Variants in CACNA1S observed in about 807,000 individuals in gnomAD.
CACNA1S encodes the protein voltage-dependent L-type calcium channel subunit alpha-1S.
CACNA1S carries 126 observed loss-of-function variants against 207.4 expected under a neutral mutation model. That is an observed-to-expected ratio of 0.61 (90% CI 0.53 to 0.70). The LOEUF is 0.70. CACNA1S is among the 30% of genes least tolerant of loss of function. CACNA1S has a pLI of 0.00. For synonymous variants in CACNA1S, 960 were observed against 932.7 expected (o/e 1.03, Z -0.53); for missense variants, 2,349 against 2,422.8 (o/e 0.97, Z 0.64).
At chr1:201,076,159 C>T (rs1661613175) in intron 12 of CACNA1S, among the ~76,000 whole-genome samples, 1 of 152,214 alleles carries the variant, frequency 6.6e-6, no homozygotes, top group Non-Finnish European at 1.5e-5. Context: ...CACCATTTCC[C>T]TGTTCTCTTC....
At chr1:201,047,369 C>G (rs1379796611) in intron 37 of CACNA1S, 130 bp from the exon 38 acceptor site, 1 of 1,365,462 alleles carries the variant, frequency 7.3e-7, no homozygotes, top group Non-Finnish European at 1.0e-6. Flanking sequence ...GGTCACTGGG[C>G]ACTTTCCATC....
In CACNA1S at chr1:201,082,373, C is replaced by T. The variant is rs548419400; in HGVS notation, c.1393+789G>A. Among the ~76,000 whole-genome samples the T allele has an allele frequency of 2.0e-5, 3 of 152,264 alleles. No homozygotes were observed. The South Asian group carries it at 6.2e-4, about 32-fold the overall frequency. ...ACACAAGAATGGCCTAACACAAGGC[C>T]CCCATGAGCAAACACATGTGTTGCC... On this transcript the variant is annotated intron_variant, in intron 10 of 43. Transcript: ENST00000362061.
chr1:201,060,897 G>T, intron 25 of CACNA1S, 81 bp from the exon 26 acceptor site: 2 of 1,556,364 alleles, frequency 1.3e-6, no homozygotes, highest in Non-Finnish European at 1.8e-6. Flanking sequence ...GGATTGACGG[G>T]CAAGTCAGGA....
At position 201,077,811 on chromosome 1, in the gene CACNA1S, G is replaced by A. The variant is rs115708836; in HGVS notation, c.1619+68C>T. The A allele has an allele frequency of 6.7e-4, 699 of 1,042,568 alleles. 4 individuals carry two copies. In the African/African-American group the frequency reaches 9.4e-3, roughly 14 times the overall value. 64.6% of individuals were successfully genotyped at this position (1,042,568 alleles called of 1,614,324 possible). A position where few individuals can be genotyped will look rare whatever the true frequency, so the allele number is the denominator to read the frequency against. On this transcript the variant is annotated intron_variant, in intron 11 of 43. Transcript: ENST00000362061. ...ATCCCAGACCTCAGGAAATGAGATG[G>A]GTGTAGACCAGACCAGCCCGTGGTG...
At chr1:201,068,699 T>C (rs989662596) in intron 19 of CACNA1S, among the ~76,000 whole-genome samples, 33 of 151,788 alleles carry the variant, frequency 2.2e-4, no homozygotes, top group Non-Finnish European at 3.8e-4. Context: ...GGTGAAACCC[T>C]GTCTCTGTTA....
intron 13 of CACNA1S, among the ~76,000 whole-genome samples, chr1:201,075,087 G>A (rs777505115): frequency 6.6e-6 from 1 of 152,064 alleles, no homozygotes; most frequent in Non-Finnish European, 1.5e-5. Context: ...TTCTGGCTCC[G>A]TCCTTCTGGT....
Position 201,093,996 on chromosome 1 carries a change from A to G in CACNA1S, c.284T>C (p.Ile95Thr), listed in dbSNP as rs550479246. 1.5e-5 allele frequency: 24 copies of G among 1,614,206 alleles called. No individual in the cohort carries two copies. The South Asian group carries it at 1.9e-4, about 13-fold the overall frequency. ...CATGGCGGCTTCAATCGAGAAGACAATGAGGAAGAAATACTCCAGCTTCTC... is the reference window on the plus strand; with the variant it reads ...CATGGCGGCTTCAATCGAGAAGACAGTGAGGAAGAAATACTCCAGCTTCTC... ...GLEKLEYFFL[I>T]VFSIEAAMKI... is the part of the protein sequence containing the mutation. The change falls in exon 3 of 44, where the codon ATT becomes ACT. Residue 95 changes from isoleucine to threonine, a missense_variant. By Grantham distance (89) the Ile-to-Thr change is moderately conservative. Transcript: ENST00000362061.
At chr1:201,087,236 C>A (rs1662064398) in intron 7 of CACNA1S, among the ~76,000 whole-genome samples, 1 of 152,156 alleles carries the variant, frequency 6.6e-6, no homozygotes, top group Non-Finnish European at 1.5e-5. Context: ...TGACAACAAC[C>A]CTATGAGATA....
Position 201,039,781 on chromosome 1 carries a change from A to G in CACNA1S, c.*50T>C. The G allele has an allele frequency of 3.1e-6, 5 of 1,599,236 alleles. No homozygotes were observed. The South Asian group carries it at 4.4e-5, about 14-fold the overall frequency. ...CCTTCTCCACCCCAGCAACTTCCCCACCCCCATTGGTCATGCCAGCTCTAA... is the reference window on the plus strand; with the variant it reads ...CCTTCTCCACCCCAGCAACTTCCCCGCCCCCATTGGTCATGCCAGCTCTAA... On this transcript the variant is annotated 3_prime_UTR_variant, in exon 44 of 44. Coordinates refer to ENST00000362061, the MANE Select transcript of CACNA1S (RefSeq NM_000069.3).
chr1:201,098,280 C>T (rs987395007), intron 2 of CACNA1S, among the ~76,000 whole-genome samples: 4 of 152,098 alleles, frequency 2.6e-5, no homozygotes, highest in African/African-American at 9.7e-5. Context: ...GGCTGCACAC[C>T]GTCGATATCA....
chr1:201,070,218 G>C (rs1661399359), intron 17 of CACNA1S, 54 bp downstream of exon 17: 1 of 1,602,250 alleles, frequency 6.2e-7, no homozygotes, highest in South Asian at 1.1e-5. Flanking sequence ...TCTAGGGCAG[G>C]GAAGCAGATG....
chr1:201,047,471 C>T, intron 37 of CACNA1S, 54 bp downstream of exon 37: 1 of 1,466,830 alleles, frequency 6.8e-7, no homozygotes, highest in East Asian at 2.3e-5. Context: ...GAGAAGCTCC[C>T]CACTCCCATT....
chr1:201,096,445 A>C (rs930032265), intron 2 of CACNA1S, among the ~76,000 whole-genome samples: 2 of 152,192 alleles, frequency 1.3e-5, no homozygotes, highest in Non-Finnish European at 2.9e-5. Context: ...AAAATGAGGG[A>C]TAGTCATTCC....
At chr1:201,063,116 C>G (rs1558063527) in intron 22 of CACNA1S, among the ~76,000 whole-genome samples, 1 of 149,088 alleles carries the variant, frequency 6.7e-6, no homozygotes, top group African/African-American at 2.5e-5. Context: ...CTGACTTTGG[C>G]CAGAGCAGTT....
intron 8 of CACNA1S, 75 bp from the exon 9 acceptor site, chr1:201,085,106 A>C (rs1216100159): frequency 2.0e-6 from 2 of 1,019,438 alleles, no homozygotes; most frequent in Non-Finnish European, 3.1e-6. Context: ...TGGGCACCCG[A>C]GACAAGGGCC....
At chr1:201,105,089 G>T (rs985134502) in intron 2 of CACNA1S, among the ~76,000 whole-genome samples, 1 of 152,230 alleles carries the variant, frequency 6.6e-6, no homozygotes, top group African/African-American at 2.4e-5. Context: ...GGGGAGGGGT[G>T]ATCAGGAAAG....
rs774245368 is a variant in CACNA1S, at chr1:201,053,301, A to C, written c.3796-27T>G. The C allele has an allele frequency of 6.2e-7, 1 of 1,612,176 alleles. No homozygotes were observed. Among genetic ancestry groups the C allele is most frequent in the Non-Finnish European group, 8.5e-7 (1 of 1,179,234 alleles). On this transcript the variant is annotated intron_variant, in intron 30 of 43. Transcript: ENST00000362061. This position sits in a 1 kb window ranked among gnomAD's most constrained non-coding sequence, Gnocchi z 5.1. ...TGCAGGGCGGGCGGGAGCGCCAGTC[A>C]GTGTCTTAGGGCTCCACTGTGTGTC...
intron 19 of CACNA1S, among the ~76,000 whole-genome samples, chr1:201,067,608 G>A (rs16847632): frequency 0.025 from 3,821 of 152,192 alleles, 156 homozygotes; most frequent in East Asian, 0.19. Flanking sequence ...TCCCAGACTC[G>A]GCACCCAGGC....
intron 6 of CACNA1S, among the ~76,000 whole-genome samples, chr1:201,088,154 C>A (rs564450957): frequency 6.6e-6 from 1 of 152,170 alleles, no homozygotes; most frequent in Non-Finnish European, 1.5e-5. Flanking sequence ...TGCTGACTGC[C>A]TACCTGGCCC....
Sources: gnomAD v4.1 joint callset for allele counts (sites outside exome capture counted in the v4.1 genomes callset) on GRCh38, gnomAD v4.1.1 for gene constraint, Gnocchi (gnomAD v3.1) non-coding constraint, MANE v1.5 for transcripts, NCBI Gene and HGNC (gene_info 2026-07-23, HGNC 2026-07-21) for gene names.